Variants in COL21A1 observed in about 807,000 individuals in gnomAD.
COL21A1 encodes the protein collagen type XXI alpha 1 chain.
COL21A1 carries 149 observed loss-of-function variants against 137.9 expected under a neutral mutation model. The ratio of observed to expected loss-of-function variants is 1.08; its 90% CI spans 0.95 to 1.24. COL21A1 has a LOEUF of 1.24. COL21A1 is among the 50% of genes most tolerant of loss of function. The pLI, the probability that COL21A1 is intolerant of heterozygous loss-of-function variation, is 0.00. For missense variants in COL21A1, 1,167 were observed against 1,158.4 expected, an observed-to-expected ratio of 1.01 and a Z score of -0.11; for synonymous variants, 456 against 391.5, an observed-to-expected ratio of 1.16 and a Z score of -1.95.
intron 1 of COL21A1, among the ~76,000 whole-genome samples, chr6:56,332,652 T>C (rs1765255991): frequency 6.6e-6 from 1 of 151,614 alleles, no homozygotes; most frequent in Non-Finnish European, 1.5e-5. Context: ...AGACTGTTTA[T>C]TCTCTTGTCA....
At chr6:56,369,522 C>T (rs547643733) in intron 1 of COL21A1, among the ~76,000 whole-genome samples, 1 of 152,040 alleles carries the variant, frequency 6.6e-6, no homozygotes, top group Non-Finnish European at 1.5e-5. Context: ...AGAAAAAAAA[C>T]TGATGTATGT....
In COL21A1 at chr6:56,129,814, A is replaced by G. The variant is rs752392665; in HGVS notation, c.1543-3665T>C. ...AATTATTCCCCAAATTCAACAATTT[A>G]CCCAAACAGAGGACAAAAGAAAAAA... On this transcript the variant is annotated intron_variant, in intron 12 of 29. Coordinates refer to ENST00000244728, the MANE Select transcript of COL21A1 (RefSeq NM_030820.4). 2.5e-4 allele frequency among the ~76,000 whole-genome samples: 38 copies of G among 150,176 alleles called. 1 individual carries two copies. Among genetic ancestry groups the G allele is most frequent in the Non-Finnish European group, 4.7e-4 (32 of 67,578 alleles).
chr6:56,188,941 A>G (rs1186958440), intron 1 of COL21A1, among the ~76,000 whole-genome samples: 1 of 152,174 alleles, frequency 6.6e-6, no homozygotes, highest in Non-Finnish European at 1.5e-5. Context: ...TAGTACGTCC[A>G]CTCAAGGACC....
At chr6:56,126,309 C>T in intron 12 of COL21A1, 160 bp from the exon 13 acceptor site, 1 of 567,738 alleles carries the variant, frequency 1.8e-6, no homozygotes, top group Non-Finnish European at 3.1e-6. Context: ...AAAAATTATC[C>T]CTACTTTTCA....
intron 12 of COL21A1, among the ~76,000 whole-genome samples, chr6:56,129,741 A>G (rs2152219833): frequency 6.6e-6 from 1 of 150,564 alleles, no homozygotes; most frequent in South Asian, 2.1e-4. Context: ...ACAGAAAGAT[A>G]GGTAGGGAGA....
chr6:56,366,913 A>T (rs1049984951), intron 1 of COL21A1, among the ~76,000 whole-genome samples: 1 of 152,220 alleles, frequency 6.6e-6, no homozygotes, highest in Non-Finnish European at 1.5e-5. Flanking sequence ...TACTTCTAAG[A>T]TTTTAGGGTG....
At chr6:56,149,136 T>G (rs905569689) in intron 10 of COL21A1, among the ~76,000 whole-genome samples, 2 of 152,194 alleles carry the variant, frequency 1.3e-5, no homozygotes, top group African/African-American at 4.8e-5. Flanking sequence ...TCACTGTAAA[T>G]AGCTCATTTT....
rs145178029 is a variant in COL21A1, at chr6:56,309,172, G to A, written c.-39+84799C>T. ...TTCCCCTGCCTCAGCCTCCTGAGTA[G>A]CTGGGACTACAGACACATGCCACCA... is the stretch of plus-strand genomic sequence containing the variant. On this transcript the variant is annotated intron_variant, in intron 1 of 28. Coordinates refer to the COL21A1 transcript ENST00000370819. Among the ~76,000 whole-genome samples the A allele has an allele frequency of 3.3e-5, 5 of 151,908 alleles. No individual in the cohort carries two copies. In the East Asian group the frequency reaches 9.6e-4, roughly 29 times the overall value.
chr6:56,106,932 G>C (rs543370755), intron 16 of COL21A1, among the ~76,000 whole-genome samples: 4 of 152,018 alleles, frequency 2.6e-5, no homozygotes, highest in African/African-American at 9.6e-5. Flanking sequence ...GACTACAGGC[G>C]CCCGCCACCA....
chr6:56,324,652 T>G lies in COL21A1; in HGVS notation c.-39+69319A>C, dbSNP rs185313719. ...ACTAGACAGAACCAGATGTTCTACC[T>G]CATCTGAACAGCCACGGACCCCCAA... On this transcript the variant is annotated intron_variant, in intron 1 of 28. Coordinates refer to the COL21A1 transcript ENST00000370819. Among the ~76,000 whole-genome samples, 327 of 152,106 alleles carry G rather than the reference T, an allele frequency of 2.1e-3. 1 individual carries two copies. The highest frequency in any genetic ancestry group is 6.6e-3 in the African/African-American group (272 of 41,508).
At chr6:56,234,791 A>G (rs1202933135) in intron 1 of COL21A1, among the ~76,000 whole-genome samples, 1 of 151,676 alleles carries the variant, frequency 6.6e-6, no homozygotes, top group African/African-American at 2.4e-5. Context: ...ATGCTTTCTC[A>G]TATTCATCTC....
chr6:56,239,820 G>A (rs1206073670), intron 1 of COL21A1, among the ~76,000 whole-genome samples: 1 of 152,132 alleles, frequency 6.6e-6, no homozygotes, highest in East Asian at 1.9e-4. Flanking sequence ...GAGGCCTTTA[G>A]GAGGTGATTA....
At chr6:56,097,190 G>A (rs143309212) in intron 17 of COL21A1, among the ~76,000 whole-genome samples, 1 of 152,032 alleles carries the variant, frequency 6.6e-6, no homozygotes, top group East Asian at 1.9e-4. Flanking sequence ...CATCAAGAAA[G>A]AGAGGGGAAT....
In COL21A1 at chr6:56,320,620, C is replaced by T. The variant is rs1301632344; in HGVS notation, c.-39+73351G>A. Among the ~76,000 whole-genome samples, 3 of 151,966 alleles carry T rather than the reference C, an allele frequency of 2.0e-5. No individual in the cohort carries two copies. In the South Asian group the frequency reaches 6.2e-4, roughly 32 times the overall value. ...CTATACAGCCTTCTTGCTAATTCTC[C>T]AACTCACCAATCAGGGTCTGCCTAA... is the stretch of plus-strand genomic sequence containing the variant. On this transcript the variant is annotated intron_variant, in intron 1 of 28. Coordinates refer to the COL21A1 transcript ENST00000370819.
intron 1 of COL21A1, among the ~76,000 whole-genome samples, chr6:56,237,940 T>G (rs932724486): frequency 2.0e-5 from 3 of 152,168 alleles, no homozygotes; most frequent in African/African-American, 7.2e-5. Flanking sequence ...TTCATTCAAT[T>G]CAATTATGGT....
At chr6:56,124,876 A>C (rs182518782) in intron 14 of COL21A1, among the ~76,000 whole-genome samples, 10 of 151,484 alleles carry the variant, frequency 6.6e-5, no homozygotes, top group Non-Finnish European at 1.5e-4. Context: ...CGATCTCCTG[A>C]CTTCGTGATC....
chr6:56,162,956 C>T (rs1007054241), intron 9 of COL21A1, among the ~76,000 whole-genome samples: 3 of 152,130 alleles, frequency 2.0e-5, no homozygotes, highest in Non-Finnish European at 4.4e-5. Context: ...CACTGATTAT[C>T]ATGTATGGCA....
intron 1 of COL21A1, among the ~76,000 whole-genome samples, chr6:56,212,618 A>G (rs1164968220): frequency 6.6e-6 from 1 of 152,104 alleles, no homozygotes; most frequent in African/African-American, 2.4e-5. Context: ...AACCCAAGAG[A>G]AGACCTAGGA....
upstream of COL21A1, among the ~76,000 whole-genome samples, chr6:56,250,136 G>A (rs1950473535): frequency 6.6e-6 from 1 of 152,142 alleles, no homozygotes; most frequent in African/African-American, 2.4e-5. Context: ...ATGCCATGTG[G>A]CACATACATA....
Sources: allele counts gnomAD v4.1 joint callset (sites outside exome capture counted in the v4.1 genomes callset), GRCh38; gene constraint gnomAD v4.1.1; transcripts MANE v1.5; gene names NCBI Gene and HGNC (gene_info 2026-07-23, HGNC 2026-07-21).